The following HEMK2 variants were observed in gnomAD, a reference collection of about 807,000 sequenced individuals.
The protein encoded by HEMK2 is methyltransferase HEMK2.
the HEMK2 span, among the ~76,000 whole-genome samples, chr21:28,765,089 C>T: frequency 6.6e-6 from 1 of 152,174 alleles, no homozygotes; most frequent in African/African-American, 2.4e-5. Context: ...TTCTTGCAAG[C>T]AAAGTTTCAC....
the HEMK2 span, among the ~76,000 whole-genome samples, chr21:28,677,351 C>A: frequency 6.6e-6 from 1 of 152,156 alleles, no homozygotes; most frequent in Non-Finnish European, 1.5e-5. Context: ...GGCTGGGGGA[C>A]GGGTGTCCAC....
chr21:28,754,248 T>C, the HEMK2 span, among the ~76,000 whole-genome samples: 171 of 152,308 alleles, frequency 1.1e-3, 1 homozygote, highest in African/African-American at 3.4e-3. Flanking sequence ...GGAAATTCAA[T>C]CGGTACCAGC....
At chr21:28,624,489 C>T in the HEMK2 span, among the ~76,000 whole-genome samples, 6 of 152,270 alleles carry the variant, frequency 3.9e-5, no homozygotes, top group Admixed American at 2.6e-4. Flanking sequence ...CTGCTGTCAT[C>T]GAAGGGGAAT....
At chr21:28,680,736 G>A in the HEMK2 span, among the ~76,000 whole-genome samples, 241 of 152,234 alleles carry the variant, frequency 1.6e-3, no homozygotes, top group Non-Finnish European at 2.7e-3. Flanking sequence ...GGGATGCAAG[G>A]CTGGTTCAAC....
chr21:28,623,981 A>T, the HEMK2 span, among the ~76,000 whole-genome samples: 2 of 151,608 alleles, frequency 1.3e-5, no homozygotes, highest in Non-Finnish European at 2.9e-5. Flanking sequence ...TTAAAGTATT[A>T]AAAAAAAACT....
the HEMK2 span, among the ~76,000 whole-genome samples, chr21:28,822,510 A>G: frequency 1.2e-4 from 19 of 152,256 alleles, no homozygotes; most frequent in African/African-American, 4.3e-4. Flanking sequence ...GGAATAAAAT[A>G]TGTAAGGAAT....
chr21:28,579,870 T>C, the HEMK2 span, among the ~76,000 whole-genome samples: 5 of 152,306 alleles, frequency 3.3e-5, no homozygotes, highest in East Asian at 7.7e-4. Context: ...GACTGAACTT[T>C]CTGTGAAAAA....
chr21:28,792,754 T>C, the HEMK2 span, among the ~76,000 whole-genome samples: 4 of 152,298 alleles, frequency 2.6e-5, no homozygotes, highest in Admixed American at 2.6e-4. Flanking sequence ...CAATACTGCG[T>C]CTTCTCTTCC....
chr21:28,834,582 C>T, the HEMK2 span, among the ~76,000 whole-genome samples: 1 of 152,168 alleles, frequency 6.6e-6, no homozygotes, highest in African/African-American at 2.4e-5. Flanking sequence ...GATAAAACTA[C>T]ACAAGGAGAA....
the HEMK2 span, among the ~76,000 whole-genome samples, chr21:28,720,508 G>A: frequency 6.6e-6 from 1 of 152,084 alleles, no homozygotes; most frequent in Non-Finnish European, 1.5e-5. Flanking sequence ...CAAGGTGGGC[G>A]GATCACCTGA....
At chr21:28,740,867 T>C in the HEMK2 span, among the ~76,000 whole-genome samples, 1 of 152,216 alleles carries the variant, frequency 6.6e-6, no homozygotes. Flanking sequence ...TTAGCTCCTG[T>C]GGAACCTGAC....
At chr21:28,737,664 T>C in the HEMK2 span, among the ~76,000 whole-genome samples, 5 of 152,070 alleles carry the variant, frequency 3.3e-5, no homozygotes, top group South Asian at 1.0e-3. Context: ...TGCACCAAGC[T>C]TACGATGAAA....
chr21:28,818,540 G>A, the HEMK2 span, among the ~76,000 whole-genome samples: 2 of 152,162 alleles, frequency 1.3e-5, no homozygotes, highest in African/African-American at 4.8e-5. Context: ...GACAGAGCCT[G>A]AGACCCTCCT....
At chr21:28,745,105 A>C in the HEMK2 span, among the ~76,000 whole-genome samples, 2 of 152,264 alleles carry the variant, frequency 1.3e-5, no homozygotes, top group Non-Finnish European at 2.9e-5. Flanking sequence ...AAGTGCAAAT[A>C]AAGAAAAATT....
the HEMK2 span, among the ~76,000 whole-genome samples, chr21:28,678,705 A>G: frequency 1.1e-4 from 17 of 152,186 alleles, no homozygotes; most frequent in African/African-American, 4.1e-4. Context: ...CTCAGCAGAA[A>G]CTCTACAAGC....
the HEMK2 span, among the ~76,000 whole-genome samples, chr21:28,678,303 TATC>T: frequency 2.6e-5 from 4 of 152,106 alleles, no homozygotes; most frequent in Non-Finnish European, 5.9e-5. Flanking sequence ...AGTGATGGAA[TATC>T]ATATGAACGA....
the HEMK2 span, among the ~76,000 whole-genome samples, chr21:28,643,456 T>A: frequency 1.1e-5 from 1 of 95,092 alleles, no homozygotes; most frequent in South Asian, 2.8e-4. Context: ...GGGGGGAGGA[T>A]TGTTTGAGGT....
the HEMK2 span, among the ~76,000 whole-genome samples, chr21:28,779,253 G>A: frequency 6.6e-6 from 1 of 152,174 alleles, no homozygotes; most frequent in Non-Finnish European, 1.5e-5. Flanking sequence ...AGAAAATGTG[G>A]TATATATACA....
the HEMK2 span, among the ~76,000 whole-genome samples, chr21:28,725,191 A>G: frequency 6.6e-6 from 1 of 152,216 alleles, no homozygotes; most frequent in Non-Finnish European, 1.5e-5. Context: ...GTGTCCCTAG[A>G]GCCAACCTAG....
Sources: gnomAD v4.1 joint callset for allele counts (sites outside exome capture counted in the v4.1 genomes callset) on GRCh38, gnomAD v4.1.1 for gene constraint, MANE v1.5 for transcripts, NCBI Gene and HGNC (gene_info 2026-07-23, HGNC 2026-07-21) for gene names.